COL4A5: variants seen among roughly 807,000 people sequenced by gnomAD.
The protein encoded by COL4A5 is collagen alpha-5(IV) chain.
COL4A5 carries 26 observed loss-of-function variants against 130.2 expected under a neutral mutation model. The ratio of observed to expected loss-of-function variants is 0.20; its 90% CI spans 0.15 to 0.28. The LOEUF (loss-of-function observed/expected upper bound fraction) is 0.28, where lower values mean the gene tolerates loss of function less well. Ranked by LOEUF, COL4A5 falls within the 10% of genes least tolerant of loss-of-function variation. The pLI, the probability that COL4A5 is intolerant of heterozygous loss-of-function variation, is 1.00. For missense variants in COL4A5, 1,131 were observed against 1,344.3 expected (o/e 0.84, Z 2.48); for synonymous variants, 496 against 439.6 (o/e 1.13, Z -1.60).
chrX:108,610,026 G>T (rs1014498433), intron 29 of COL4A5, among the ~76,000 whole-genome samples: 2 of 108,399 alleles, frequency 1.8e-5, no homozygotes, highest in African/African-American at 6.7e-5. Context: ...TTTACTCTCA[G>T]AGTGGTTTAA....
intron 3 of COL4A5, among the ~76,000 whole-genome samples, chrX:108,563,196 G>A (rs1361673779): frequency 1.8e-5 from 2 of 111,200 alleles, no homozygotes; most frequent in African/African-American, 6.5e-5. Context: ...TTTTCTTGGA[G>A]CAGAATTAGG....
intron 1 of COL4A5, among the ~76,000 whole-genome samples, chrX:108,502,613 C>T (rs997955864): frequency 8.9e-6 from 1 of 111,805 alleles, no homozygotes; most frequent in African/African-American, 3.3e-5. Context: ...TTTGTGTAGT[C>T]CGTTGCCTGA....
At chrX:108,670,421 C>T in intron 42 of COL4A5, 185 bp downstream of exon 42, 1 of 362,920 alleles carries the variant, frequency 2.8e-6, no homozygotes, top group Non-Finnish European at 3.5e-6. Context: ...ATTGGAAAGA[C>T]CCAAAATTAC....
intron 36 of COL4A5, among the ~76,000 whole-genome samples, chrX:108,648,662 GA>G (rs921848849): frequency 1.3e-4 from 14 of 111,005 alleles, no homozygotes; most frequent in East Asian, 5.7e-4. Flanking sequence ...TATAGATGCA[GA>G]AAAAAAACAT....
chrX:108,516,869 A>C (rs181479939), intron 1 of COL4A5, among the ~76,000 whole-genome samples: 41 of 111,572 alleles, frequency 3.7e-4, no homozygotes, highest in Middle Eastern at 4.7e-3. Flanking sequence ...TGGCATTTGA[A>C]AGCAAAAGAT....
intron 49 of COL4A5, among the ~76,000 whole-genome samples, chrX:108,691,475 G>GT (rs1028055345): frequency 9.1e-6 from 1 of 110,296 alleles, no homozygotes; most frequent in Non-Finnish European, 1.9e-5. Flanking sequence ...TCTAATAAAA[G>GT]TTTTTTTGTA....
chrX:108,461,804 AG>A (rs1453275712), intron 1 of COL4A5, among the ~76,000 whole-genome samples: 1 of 111,505 alleles, frequency 9.0e-6, no homozygotes, highest in Non-Finnish European at 1.9e-5. Flanking sequence ...CATGTTGGCT[AG>A]GCTGGTCTCG....
intron 1 of COL4A5, among the ~76,000 whole-genome samples, chrX:108,507,343 T>A (rs1569479027): frequency 9.3e-6 from 1 of 107,615 alleles, no homozygotes; most frequent in East Asian, 3.0e-4. Context: ...GCACACAAAA[T>A]CTAGCAGCAC....
chrX:108,530,903 T>C (rs1173161259), intron 1 of COL4A5, among the ~76,000 whole-genome samples: 1 of 104,489 alleles, frequency 9.6e-6, no homozygotes. Context: ...TAAAGACACA[T>C]GCACACGTAT....
Position 108,681,755 on chromosome X carries a change from C to T in COL4A5, c.4088-5C>T. 8.3e-7 allele frequency: 1 copy of T among 1,208,776 alleles called. No homozygotes were observed. Among genetic ancestry groups the T allele is most frequent in the Non-Finnish European group, 1.1e-6 (1 of 893,741 alleles). Reference sequence around the variant, plus strand: ...CCCTTCAAATTTGTGTGTTTTGTCTCATAGGTCCTCCTGGATTACCTGGTC... The same window carrying T: ...CCCTTCAAATTTGTGTGTTTTGTCTTATAGGTCCTCCTGGATTACCTGGTC... On this transcript the variant is annotated splice_polypyrimidine_tract_variant and splice_region_variant and intron_variant, in intron 46 of 52. Coordinates refer to ENST00000328300, the MANE Select transcript of COL4A5 (RefSeq NM_033380.3).
At chrX:108,664,627 C>T (rs182465606) in intron 37 of COL4A5, among the ~76,000 whole-genome samples, 191 of 111,570 alleles carry the variant, frequency 1.7e-3, no homozygotes, top group African/African-American at 5.7e-3. Flanking sequence ...ATAGGAAAGC[C>T]ACAGACAAGG....
At chrX:108,679,759 G>C (rs751131379) in intron 44 of COL4A5, among the ~76,000 whole-genome samples, 3 of 110,623 alleles carry the variant, frequency 2.7e-5, no homozygotes, top group Admixed American at 9.7e-5. Flanking sequence ...GAGCCTAGGA[G>C]TTTGAGGCCA....
intron 34 of COL4A5, 54 bp from the exon 35 acceptor site, chrX:108,625,651 A>G: frequency 1.3e-6 from 1 of 798,148 alleles, no homozygotes; most frequent in Non-Finnish European, 1.9e-6. Flanking sequence ...CCATGAAACC[A>G]GACAACCCCA....
At chrX:108,575,485 A>G (rs1259280367) in intron 9 of COL4A5, among the ~76,000 whole-genome samples, 1 of 112,748 alleles carries the variant, frequency 8.9e-6, no homozygotes, top group Non-Finnish European at 1.9e-5. Flanking sequence ...GCTGAATGAT[A>G]AAATTGTAGA....
At chrX:108,691,475 GT>G (rs1028055345) in intron 49 of COL4A5, among the ~76,000 whole-genome samples, 11 of 110,270 alleles carry the variant, frequency 1.0e-4, no homozygotes, top group East Asian at 2.8e-4. Context: ...TCTAATAAAA[GT>G]TTTTTTGTAA....
At chrX:108,627,368 C>G in intron 36 of COL4A5, 1 of 731,946 alleles carries the variant, frequency 1.4e-6, no homozygotes, top group Non-Finnish European at 1.6e-6. Flanking sequence ...ATTTGAATTC[C>G]TTGTTCTATA....
At chrX:108,491,773 A>G (rs2064995472) in intron 1 of COL4A5, among the ~76,000 whole-genome samples, 3 of 111,467 alleles carry the variant, frequency 2.7e-5, no homozygotes, top group African/African-American at 9.8e-5. Context: ...TTATTCTTAA[A>G]TAAGTGTGTT....
At chrX:108,601,650 C>T (rs993990694) in intron 26 of COL4A5, among the ~76,000 whole-genome samples, 165 bp downstream of exon 26, 6 of 109,529 alleles carry the variant, frequency 5.5e-5, no homozygotes, top group Non-Finnish European at 5.7e-5. Flanking sequence ...CCTGCCTCAG[C>T]CTCCCAAGTA....
intron 36 of COL4A5, among the ~76,000 whole-genome samples, chrX:108,640,589 G>T (rs1437911266): frequency 9.0e-6 from 1 of 111,500 alleles, no homozygotes; most frequent in Non-Finnish European, 1.9e-5. Context: ...TGCTAGATGT[G>T]TTAACTAATT....
Sources: gnomAD v4.1 joint callset for allele counts (sites outside exome capture counted in the v4.1 genomes callset) on GRCh38, gnomAD v4.1.1 for gene constraint, MANE v1.5 for transcripts, NCBI Gene and HGNC (gene_info 2026-07-23, HGNC 2026-07-21) for gene names.